ATRNL1: variants seen among roughly 807,000 people sequenced by gnomAD.
The protein encoded by ATRNL1 is attractin like 1, also known as attractin-like protein 1.
A neutral mutation model predicts 182.7 loss-of-function variants in ATRNL1; 95 were observed. The ratio of observed to expected loss-of-function variants is 0.52; its 90% CI spans 0.44 to 0.62. The LOEUF (loss-of-function observed/expected upper bound fraction) is 0.62, where lower values mean the gene tolerates loss of function less well. ATRNL1 is among the 20% of genes least tolerant of loss of function. ATRNL1 has a pLI of 0.00. For missense variants in ATRNL1, 1,471 were observed against 1,679.5 expected (o/e 0.88, Z 2.17); for synonymous variants, 576 against 568.3 (o/e 1.01, Z -0.19).
At chr10:115,603,947 C>T (rs892730194) in intron 26 of ATRNL1, among the ~76,000 whole-genome samples, 1 of 151,898 alleles carries the variant, frequency 6.6e-6, no homozygotes, top group Admixed American at 6.6e-5. Context: ...CTCTTGGAGG[C>T]CCTTAAAAAA....
chr10:115,095,028 C>G (rs2084976034), intron 1 of ATRNL1, among the ~76,000 whole-genome samples: 1 of 152,106 alleles, frequency 6.6e-6, no homozygotes, highest in South Asian at 2.1e-4. Flanking sequence ...TTTCTTCGTA[C>G]TGGTTGGTGT....
chr10:115,682,363 C>A (rs1461598420), intron 26 of ATRNL1, among the ~76,000 whole-genome samples: 4 of 152,056 alleles, frequency 2.6e-5, no homozygotes, highest in African/African-American at 9.7e-5. Flanking sequence ...ACATGGTGAA[C>A]CCCATCTCTA....
Position 115,268,397 on chromosome 10 carries a change from T to C in ATRNL1, c.2053T>C (p.Trp685Arg). Residue 685 changes from tryptophan (W) to arginine (R), a missense_variant, in exon 13 of 29, where the codon TGG (tryptophan) becomes CGG (arginine). By Grantham distance (101) the Trp-to-Arg change is moderately radical. This residue lies in a region of ATRNL1 where 1,031 missense variants were observed against 1,156.0 expected (regional missense o/e 0.89). Coordinates refer to ENST00000355044, the MANE Select transcript of ATRNL1 (RefSeq NM_207303.4). ...TACTGCCAATACAAATGGGTGCCAA[T>C]GGTGTGATGACAAGAAATGCATTTC... ...SCTANTNGCQ[W>R]CDDKKCISAN... 6.2e-7 allele frequency: 1 copy of C among 1,613,782 alleles called. No homozygotes were observed. The highest frequency in any genetic ancestry group is 2.2e-5 in the East Asian group (1 of 44,858).
intron 5 of ATRNL1, among the ~76,000 whole-genome samples, chr10:115,138,743 C>T (rs193162614): frequency 2.6e-5 from 4 of 152,308 alleles, no homozygotes; most frequent in Admixed American, 6.5e-5. Context: ...AGACCACTGA[C>T]GTGCCCTGGA....
chr10:115,147,488 T>C (rs1180607941), intron 5 of ATRNL1, among the ~76,000 whole-genome samples: 1 of 152,196 alleles, frequency 6.6e-6, no homozygotes, highest in Non-Finnish European at 1.5e-5. Context: ...CTCATTTGTC[T>C]ATTTTTATTT....
intron 8 of ATRNL1, among the ~76,000 whole-genome samples, chr10:115,183,501 A>G (rs1554888180): frequency 2.0e-5 from 3 of 151,640 alleles, no homozygotes; most frequent in African/African-American, 7.2e-5. Context: ...ACACAAAACA[A>G]GAAATGACAA....
chr10:115,304,816 G>A (rs1278881747), intron 17 of ATRNL1, among the ~76,000 whole-genome samples: 1 of 152,130 alleles, frequency 6.6e-6, no homozygotes, highest in Non-Finnish European at 1.5e-5. Flanking sequence ...AGAGGACAAA[G>A]GTGGGAATCG....
intron 24 of ATRNL1, among the ~76,000 whole-genome samples, chr10:115,476,968 G>A (rs1554973273): frequency 6.6e-6 from 1 of 151,200 alleles, no homozygotes. Context: ...TGTATTTTTA[G>A]TACTTAGCTG....
intron 27 of ATRNL1, among the ~76,000 whole-genome samples, chr10:115,738,125 G>GTTTTTTTTTTTTTTTTTTTTTTT (rs1565334914): frequency 5.6e-5 from 3 of 53,194 alleles, no homozygotes; most frequent in South Asian, 7.1e-4. Context: ...AGAAGATAAT[G>GTTTTTTTTTTTTTTTTTTTTTTT]ATTTTTTTTT....
At chr10:115,225,378 G>A (rs1005045802) in intron 9 of ATRNL1, among the ~76,000 whole-genome samples, 24 of 151,318 alleles carry the variant, frequency 1.6e-4, no homozygotes, top group African/African-American at 5.8e-4. Context: ...AATAGAGAAA[G>A]CTTTCCCTCT....
chr10:115,278,188 GT>G (rs566400319), intron 13 of ATRNL1, among the ~76,000 whole-genome samples: 25 of 152,166 alleles, frequency 1.6e-4, no homozygotes, highest in Non-Finnish European at 2.4e-4. Flanking sequence ...TTGGAAGGCT[GT>G]TTTCGAATTC....
chr10:115,591,219 C>T (rs1210446785), intron 26 of ATRNL1, among the ~76,000 whole-genome samples: 1 of 152,188 alleles, frequency 6.6e-6, no homozygotes, highest in African/African-American at 2.4e-5. Flanking sequence ...AGACTCTTTA[C>T]TCACATAGTA....
chr10:115,906,128 A>G (rs1322262198), intron 28 of ATRNL1, among the ~76,000 whole-genome samples: 17 of 152,156 alleles, frequency 1.1e-4, no homozygotes, highest in African/African-American at 3.6e-4. Context: ...ATTCTCATTG[A>G]TTGACTTTAC....
At chr10:115,713,682 T>TATCC (rs1947142678) in intron 26 of ATRNL1, among the ~76,000 whole-genome samples, 1 of 108,828 alleles carries the variant, frequency 9.2e-6, no homozygotes, top group South Asian at 2.9e-4. Flanking sequence ...GTTTTCTATC[T>TATCC]ATCTATCTAT....
At chr10:115,201,317 C>T (rs1208848974) in intron 8 of ATRNL1, among the ~76,000 whole-genome samples, 1 of 152,054 alleles carries the variant, frequency 6.6e-6, no homozygotes, top group East Asian at 1.9e-4. Flanking sequence ...TGCCTATGTC[C>T]TGAATGGTAA....
chr10:115,364,767 A>G (rs1193917599), intron 19 of ATRNL1, among the ~76,000 whole-genome samples: 2 of 151,834 alleles, frequency 1.3e-5, no homozygotes, highest in Non-Finnish European at 2.9e-5. Context: ...TTCTGCATCT[A>G]TTGAGATAAT....
chr10:115,389,591 T>TATATATA (rs1564990359), intron 19 of ATRNL1, among the ~76,000 whole-genome samples: 2 of 105,706 alleles, frequency 1.9e-5, no homozygotes, highest in Non-Finnish European at 3.6e-5. Flanking sequence ...TATATATATA[T>TATATATA]TTCATCCAAT....
chr10:115,328,261 G>T (rs1486797218), intron 18 of ATRNL1, among the ~76,000 whole-genome samples: 1 of 151,844 alleles, frequency 6.6e-6, no homozygotes, highest in Admixed American at 6.6e-5. Flanking sequence ...TTCCATAAAC[G>T]TATTTATACA....
Position 115,389,540 on chromosome 10 carries a change from G to GTATATATATATATATATA in ATRNL1, c.3176-5085_3176-5068dup, listed in dbSNP as rs58155967. On this transcript the variant is annotated intron_variant, in intron 19 of 28. Transcript: ENST00000355044. ...CTGAATAGTATTCAAATGTGTATGT[G>GTATATATATATATATATA]TATATATATATATATATATATATAT... Among the ~76,000 whole-genome samples, 13 of 44,482 alleles carry GTATATATATATATATATA rather than the reference G, an allele frequency of 2.9e-4. 2 individuals are homozygous for GTATATATATATATATATA. The highest frequency in any genetic ancestry group is 4.6e-4 in the Non-Finnish European group (11 of 23,660). 29.2% of individuals were successfully genotyped at this position (44,482 alleles called of 152,430 possible). A position where few individuals can be genotyped will look rare whatever the true frequency, so the allele number is the denominator to read the frequency against.
Sources: allele counts gnomAD v4.1 joint callset (sites outside exome capture counted in the v4.1 genomes callset), GRCh38; gene constraint gnomAD v4.1.1; regional missense constraint gnomAD v4.1.1; transcripts MANE v1.5; gene names NCBI Gene and HGNC (gene_info 2026-07-23, HGNC 2026-07-21).